The following C2orf49 variants were observed in gnomAD, a reference collection of about 807,000 sequenced individuals.
C2orf49 encodes the protein tRNA-splicing ligase complex subunit ASW.
In C2orf49, 11 loss-of-function variants were observed where a neutral mutation model predicts 20.6. The observed-to-expected ratio is 0.53, with a 90% CI of 0.34 to 0.88. The LOEUF is 0.88. C2orf49 is among the 40% of genes least tolerant of loss of function. The pLI is 0.02. For missense variants in C2orf49, 289 were observed against 274.2 expected, an observed-to-expected ratio of 1.05 and a Z score of -0.38; for synonymous variants, 134 against 108.5, an observed-to-expected ratio of 1.24 and a Z score of -1.46.
chr2:105,374,681 C>T, the C2orf49 span, among the ~76,000 whole-genome samples: 1 of 152,116 alleles, frequency 6.6e-6, no homozygotes, highest in Non-Finnish European at 1.5e-5. Flanking sequence ...CTTCATCTTG[C>T]CTGAGGAATA....
At chr2:105,353,340 G>T (rs953682791), downstream of C2orf49, among the ~76,000 whole-genome samples, 1 of 152,148 alleles carries the variant, frequency 6.6e-6, no homozygotes, top group African/African-American at 2.4e-5. Flanking sequence ...TGAGTAAAAT[G>T]CATAAATGCT....
At chr2:105,344,899 T>C (rs1221747382) in intron 3 of C2orf49, among the ~76,000 whole-genome samples, 5 of 152,064 alleles carry the variant, frequency 3.3e-5, no homozygotes, top group Non-Finnish European at 2.9e-5. Flanking sequence ...CTTTGGATTG[T>C]TAAATTGTAA....
the C2orf49 span, among the ~76,000 whole-genome samples, chr2:105,367,242 A>G: frequency 6.6e-6 from 1 of 152,092 alleles, no homozygotes; most frequent in Non-Finnish European, 1.5e-5. Context: ...TTATTCATGG[A>G]GAGAAGCTGA....
the C2orf49 span, among the ~76,000 whole-genome samples, chr2:105,370,316 A>G: frequency 6.6e-6 from 1 of 152,056 alleles, no homozygotes; most frequent in Admixed American, 6.5e-5. Context: ...TCAAGGCTGC[A>G]GTGAGCAGTG....
downstream of C2orf49, among the ~76,000 whole-genome samples, chr2:105,350,534 T>A: frequency 6.6e-6 from 1 of 152,226 alleles, no homozygotes; most frequent in East Asian, 1.9e-4. Context: ...TATCCTCAAG[T>A]AAAATTAGCC....
At position 105,339,613 on chromosome 2, in the gene C2orf49, G is replaced by C; in HGVS notation, c.130G>C (p.Val44Leu). 6.3e-7 allele frequency: 1 copy of C among 1,597,670 alleles called. No individual in the cohort carries two copies. Among genetic ancestry groups the C allele is most frequent in the African/African-American group, 1.4e-5 (1 of 73,990 alleles). ...CATAGCTGTTGAAACTGATGTAAGA[G>C]TAAACAAAGACAGTCTTACTGACCT... ...KNIAVETDVR[V>L]NKDSLTDLYV... is the part of the protein sequence containing the mutation. The change falls in exon 2 of 4, where the codon GTA becomes CTA. Residue 44 changes from valine to leucine, a missense_variant. Coordinates refer to ENST00000258457, the MANE Select transcript of C2orf49 (RefSeq NM_024093.3).
the C2orf49 span, among the ~76,000 whole-genome samples, chr2:105,362,049 AACC>A: frequency 6.6e-6 from 1 of 152,232 alleles, no homozygotes; most frequent in Non-Finnish European, 1.5e-5. Context: ...GTGCCACAAT[AACC>A]ACAATTCACA....
the C2orf49 span, chr2:105,361,270 C>G: frequency 6.2e-7 from 1 of 1,606,164 alleles, no homozygotes; most frequent in Non-Finnish European, 8.5e-7. Flanking sequence ...GCAGCAACTT[C>G]TCTGTGTTGA....
chr2:105,343,311 C>T lies in C2orf49; in HGVS notation c.642+88C>T, dbSNP rs1012833706. ...CATGACGGGAGGTGGGTCGACTGTG[C>T]TACATTCTGTTCTTGAACCCTTTTG... On this transcript the variant is annotated intron_variant, in intron 3 of 3. Transcript: ENST00000258457. 3.2e-4 allele frequency: 428 copies of T among 1,336,306 alleles called. 5 individuals carry two copies. The highest frequency in any genetic ancestry group is 3.2e-4 in the Non-Finnish European group (316 of 990,180). 82.8% of individuals were successfully genotyped at this position (1,336,306 alleles called of 1,614,324 possible).
chr2:105,361,127 AC>A, the C2orf49 span: 1 of 705,678 alleles, frequency 1.4e-6, no homozygotes, highest in Non-Finnish European at 2.3e-6. Context: ...ATCACAAAGC[AC>A]TAAAGGGTTT....
At chr2:105,351,316 C>A (rs1422678472), downstream of C2orf49, among the ~76,000 whole-genome samples, 1 of 108,314 alleles carries the variant, frequency 9.2e-6, no homozygotes, top group Non-Finnish European at 2.0e-5. Context: ...CCACCGCGCC[C>A]CCCCCCCCCC....
rs1679831520 is a variant in C2orf49, at chr2:105,347,029, A to G, written c.*1658A>G. On this transcript the variant is annotated 3_prime_UTR_variant, in exon 4 of 4. Transcript: ENST00000258457. ...TATTCCTCTTTTGATTTGTTAAACAAGCATTTTAGTTCAGCTATTGAATAG... is the reference window on the plus strand; with the variant it reads ...TATTCCTCTTTTGATTTGTTAAACAGGCATTTTAGTTCAGCTATTGAATAG... 6.6e-6 allele frequency: 1 copy of G among 152,250 alleles called. No individual in the cohort carries two copies. Among genetic ancestry groups the G allele is most frequent in the Non-Finnish European group, 1.5e-5 (1 of 68,046 alleles). The allele number at this position is 152,250 out of a possible 1,614,324, so 9.4% of individuals were successfully genotyped here.
rs1679872638 is a variant in C2orf49, at chr2:105,348,662, G to C, written c.*3291G>C. The C allele has an allele frequency of 6.6e-6, 1 of 151,282 alleles. No homozygotes were observed. 9.4% of individuals were successfully genotyped at this position (151,282 alleles called of 1,614,324 possible). ...TGCTCTTTTATTACATGCTTGTGCA[G>C]GTTTTGTAATTCAGTACAGAAAAGT... On this transcript the variant is annotated 3_prime_UTR_variant, in exon 4 of 4. Coordinates refer to ENST00000258457, the MANE Select transcript of C2orf49 (RefSeq NM_024093.3).
the C2orf49 span, among the ~76,000 whole-genome samples, chr2:105,373,146 C>T: frequency 1.8e-4 from 28 of 152,314 alleles, no homozygotes; most frequent in East Asian, 4.4e-3. Context: ...ATGCTCAGCT[C>T]GAGCCCAGTG....
the C2orf49 span, among the ~76,000 whole-genome samples, chr2:105,362,477 T>C: frequency 1.3e-5 from 2 of 152,194 alleles, no homozygotes; most frequent in African/African-American, 4.8e-5. Flanking sequence ...GTAGTTACAC[T>C]GAAAAGCCAC....
chr2:105,381,456 G>C, the C2orf49 span, among the ~76,000 whole-genome samples: 1 of 152,130 alleles, frequency 6.6e-6, no homozygotes, highest in African/African-American at 2.4e-5. Flanking sequence ...CGCGCAGCTT[G>C]TCAAAGGTGG....
At chr2:105,370,362 G>A in the C2orf49 span, among the ~76,000 whole-genome samples, 10 of 150,918 alleles carry the variant, frequency 6.6e-5, no homozygotes, top group Non-Finnish European at 5.9e-5. Flanking sequence ...GCGAAAGAGC[G>A]AGATCCTGGC....
chr2:105,359,570 A>T, the C2orf49 span: 5 of 152,224 alleles, frequency 3.3e-5, no homozygotes, highest in Non-Finnish European at 5.9e-5. Context: ...AAGGTCACTG[A>T]TGCTCCCATT....
At chr2:105,384,723 G>C in the C2orf49 span, among the ~76,000 whole-genome samples, 17 of 152,204 alleles carry the variant, frequency 1.1e-4, no homozygotes, top group Admixed American at 3.9e-4. Context: ...GGCCAGGCTG[G>C]TCTCGAACTC....
Sources: gnomAD v4.1 joint callset for allele counts (sites outside exome capture counted in the v4.1 genomes callset) on GRCh38, gnomAD v4.1.1 for gene constraint, MANE v1.5 for transcripts, NCBI Gene and HGNC (gene_info 2026-07-23, HGNC 2026-07-21) for gene names.